SPANXN2: variants seen among roughly 807,000 people sequenced by gnomAD.
SPANXN2 encodes the protein sperm protein associated with the nucleus on the X chromosome N2.
In SPANXN2, 1 loss-of-function variant was observed where a neutral mutation model predicts 2.0. The ratio of observed to expected loss-of-function variants is 0.50; its 90% CI spans 0.18 to 2.36. The LOEUF (loss-of-function observed/expected upper bound fraction) is 2.36. Among genes scored for constraint, SPANXN2 ranks in the 30% most tolerant of loss-of-function variants. The probability of loss-of-function intolerance (pLI) is 0.26; values close to 1 mark genes in which losing one functional copy is unlikely to be tolerated. For missense variants in SPANXN2, 88 were observed against 116.7 expected (o/e 0.75, Z 1.13); for synonymous variants, 43 against 49.8 (o/e 0.86, Z 0.58).
rs782393849 is a variant in SPANXN2, at chrX:143,715,930, A to C, written c.79-3431T>G. ...AGACAACTATTTCACTATTCCCTTA[A>C]ATCTGGCTTACCAAAGTCTTTTTGC... On this transcript the variant is annotated intron_variant, in intron 1 of 1. Coordinates refer to ENST00000598475, the Ensembl canonical transcript of SPANXN2. 2.2e-3 allele frequency among the ~76,000 whole-genome samples: 243 copies of C among 111,030 alleles called. 2 individuals carry two copies. Among genetic ancestry groups the C allele is most frequent in the African/African-American group, 7.7e-3 (234 of 30,497 alleles).
chrX:143,712,631 G>A, intron 1 of SPANXN2, 132 bp from the exon 2 acceptor site: 1 of 604,319 alleles, frequency 1.7e-6, no homozygotes, highest in Non-Finnish European at 2.6e-6. Flanking sequence ...AGAACAAGGT[G>A]GAATCATAGG....
chrX:143,712,458 GCT>G lies in SPANXN2; in HGVS notation c.118_119del (p.Ser40LeufsTer53), dbSNP rs1932181054. 1.7e-6 allele frequency: 2 copies of G among 1,211,894 alleles called. No individual in the cohort carries two copies. The highest frequency in any genetic ancestry group is 2.2e-6 in the Non-Finnish European group (2 of 895,566). On this transcript the variant is annotated frameshift_variant, in exon 2 of 2. Transcript: ENST00000598475. LOFTEE classifies it low-confidence loss of function (END_TRUNC). ...ATTCTATTGTTTTTGTCTTTTGCAA[GCT>G]CTGTTTGGGGGCTAAGACCCTGTTC...
chrX:143,718,201 T>C (rs1300049597), intron 1 of SPANXN2, among the ~76,000 whole-genome samples: 4 of 111,958 alleles, frequency 3.6e-5, no homozygotes, highest in African/African-American at 1.3e-4. Context: ...AGTCATTTCC[T>C]AAAAGCGCTC....
chrX:143,712,492 T>C, exon 2 of SPANXN2: 3 of 1,206,656 alleles, frequency 2.5e-6, no homozygotes, highest in Non-Finnish European at 3.4e-6. Flanking sequence ...GTTCGGTGCC[T>C]CCTGCATCTG....
chrX:143,719,204 T>A (rs1233167143), intron 1 of SPANXN2, among the ~76,000 whole-genome samples: 1 of 110,861 alleles, frequency 9.0e-6, no homozygotes, highest in African/African-American at 3.3e-5. Flanking sequence ...TAACTAAACA[T>A]GTTACCAGTC....
intron 1 of SPANXN2, among the ~76,000 whole-genome samples, chrX:143,717,879 A>G (rs1204332247): frequency 8.9e-6 from 1 of 111,808 alleles, no homozygotes; most frequent in Non-Finnish European, 1.9e-5. Context: ...TAACAATAGT[A>G]GATACATTCT....
At chrX:143,716,163 C>T (rs1932259860) in intron 1 of SPANXN2, among the ~76,000 whole-genome samples, 1 of 111,011 alleles carries the variant, frequency 9.0e-6, no homozygotes, top group Non-Finnish European at 1.9e-5. Context: ...TAGCCCCTTT[C>T]TTAACCTGTC....
chrX:143,714,092 G>A (rs1474265852), intron 1 of SPANXN2, among the ~76,000 whole-genome samples: 3 of 109,070 alleles, frequency 2.8e-5, no homozygotes, highest in Non-Finnish European at 1.9e-5. Flanking sequence ...CTTCGGATCC[G>A]GCTCCTCCAC....
Position 143,715,282 on chromosome X carries a change from A to T in SPANXN2, c.79-2783T>A, listed in dbSNP as rs1456498144. ...ACCCTTTTTCTGTTCTTCGATCTCT[A>T]TTGTGAGAATCAATAAAATCCCCTC... On this transcript the variant is annotated intron_variant, in intron 1 of 1. Transcript: ENST00000598475. Among the ~76,000 whole-genome samples the T allele has an allele frequency of 6.8e-5, 6 of 88,874 alleles. No individual in the cohort carries two copies. The Admixed American group carries it at 8.1e-4, about 12-fold the overall frequency. 77.2% of individuals were successfully genotyped at this position (88,874 alleles called of 115,157 possible).
chrX:143,720,642 A>G (rs1431469818), exon 1 of SPANXN2: 5 of 1,208,053 alleles, frequency 4.1e-6, no homozygotes, highest in Non-Finnish European at 5.6e-6. Flanking sequence ...TCTTCTCCCC[A>G]TTGGTGCTTG....
chrX:143,712,886 TC>T (rs1932193029), intron 1 of SPANXN2, among the ~76,000 whole-genome samples: 1 of 111,446 alleles, frequency 9.0e-6, no homozygotes, highest in African/African-American at 3.3e-5. Context: ...ACAATGATAT[TC>T]CACTGGAAAA....
intron 1 of SPANXN2, among the ~76,000 whole-genome samples, chrX:143,717,994 C>T (rs1932298314): frequency 8.9e-6 from 1 of 111,966 alleles, no homozygotes; most frequent in Non-Finnish European, 1.9e-5. Context: ...CTCTTGCATC[C>T]AGTCAGACAA....
intron 1 of SPANXN2, among the ~76,000 whole-genome samples, chrX:143,718,926 T>G (rs1236773985): frequency 1.8e-5 from 2 of 111,229 alleles, no homozygotes; most frequent in African/African-American, 6.6e-5. Context: ...TCAGCCTCAC[T>G]GCCTCTTAAA....
chrX:143,720,729 T>C lies in SPANXN2; in HGVS notation c.-61A>G. ...CTTGTAGACTGCAGACTTCCACAGC[T>C]ATATTGAAGCTTGCCAGGAGGATGT... On this transcript the variant is annotated 5_prime_UTR_variant, in exon 1 of 2. The change creates a new upstream start codon in the 5' untranslated region. Coordinates refer to ENST00000598475, the Ensembl canonical transcript of SPANXN2. The C allele has an allele frequency of 8.7e-7, 1 of 1,155,427 alleles. No homozygotes were observed. Among genetic ancestry groups the C allele is most frequent in the Non-Finnish European group, 1.2e-6 (1 of 847,004 alleles).
intron 1 of SPANXN2, among the ~76,000 whole-genome samples, chrX:143,718,403 A>G (rs1240766157): frequency 2.7e-5 from 3 of 111,428 alleles, no homozygotes; most frequent in Non-Finnish European, 5.6e-5. Flanking sequence ...CTGTCCCTAC[A>G]ACCAGCGGGC....
At chrX:143,719,207 T>C (rs180756329) in intron 1 of SPANXN2, among the ~76,000 whole-genome samples, 1 of 110,662 alleles carries the variant, frequency 9.0e-6, no homozygotes, top group East Asian at 2.9e-4. Context: ...CTAAACATGT[T>C]ACCAGTCGGA....
At chrX:143,712,458 G>A (rs782531608) in exon 2 of SPANXN2, 2 of 1,210,561 alleles carry the variant, frequency 1.7e-6, no homozygotes, top group Non-Finnish European at 2.2e-6. Flanking sequence ...TCTTTTGCAA[G>A]CTCTGTTTGG....
intron 1 of SPANXN2, 143 bp from the exon 2 acceptor site, chrX:143,712,642 G>T (rs1932187647): frequency 3.4e-6 from 2 of 589,093 alleles, no homozygotes; most frequent in African/African-American, 4.6e-5. Flanking sequence ...GAATCATAGG[G>T]TAGTGATCTA....
intron 1 of SPANXN2, among the ~76,000 whole-genome samples, chrX:143,720,208 G>A (rs1932339528): frequency 9.1e-6 from 1 of 110,046 alleles, no homozygotes; most frequent in African/African-American, 3.4e-5. Context: ...ACATTCCACG[G>A]GGGTTCGGGC....
Sources: allele counts gnomAD v4.1 joint callset (sites outside exome capture counted in the v4.1 genomes callset), GRCh38; gene constraint gnomAD v4.1.1; transcripts MANE v1.5; gene names NCBI Gene and HGNC (gene_info 2026-07-23, HGNC 2026-07-21).